The following ARPP21 variants were observed in gnomAD, a reference collection of about 807,000 sequenced individuals.
ARPP21 encodes the protein cAMP-regulated phosphoprotein 21.
In ARPP21, 69 loss-of-function variants were observed where a neutral mutation model predicts 113.2. The ratio of observed to expected loss-of-function variants is 0.61; its 90% CI spans 0.50 to 0.74. The LOEUF is 0.74. ARPP21 is among the 30% of genes least tolerant of loss of function. The probability of loss-of-function intolerance (pLI) is 0.00; values close to 1 mark genes in which losing one functional copy is unlikely to be tolerated. For missense variants in ARPP21, 1,070 were observed against 1,037.4 expected (o/e 1.03, Z -0.43); for synonymous variants, 368 against 375.5 (o/e 0.98, Z 0.23).
intron 5 of ARPP21, among the ~76,000 whole-genome samples, chr3:35,686,864 A>C (rs1028366572): frequency 8.6e-5 from 13 of 151,556 alleles, no homozygotes; most frequent in African/African-American, 3.1e-4. Context: ...ACTATCAATC[A>C]AATTGCTGAT....
intron 19 of ARPP21, among the ~76,000 whole-genome samples, chr3:35,759,164 G>T (rs1409703351): frequency 2.0e-5 from 3 of 152,070 alleles, no homozygotes; most frequent in Non-Finnish European, 4.4e-5. Context: ...CAAGACAAAC[G>T]TAGGTATATG....
Position 35,640,107 on chromosome 3 carries a change from G to C in ARPP21, c.-504G>C, listed in dbSNP as rs1319410902. ...GAGACCAGCAGCAGCAGGGGCAGCGGGGACACAAGCCGCGACCGAGCCGCC... is the reference window on the plus strand; with the variant it reads ...GAGACCAGCAGCAGCAGGGGCAGCGCGGACACAAGCCGCGACCGAGCCGCC... On this transcript the variant is annotated 5_prime_UTR_variant, in exon 1 of 21. Transcript: ENST00000684406. The C allele has an allele frequency of 1.3e-5, 2 of 152,284 alleles. No homozygotes were observed. Among genetic ancestry groups the C allele is most frequent in the African/African-American group, 4.8e-5 (2 of 41,428 alleles). The allele number at this position is 152,284 out of a possible 1,614,324, so 9.4% of individuals were successfully genotyped here. A position where few individuals can be genotyped will look rare whatever the true frequency, so the allele number is the denominator to read the frequency against.
chr3:35,668,898 G>A (rs2075632612), intron 1 of ARPP21, among the ~76,000 whole-genome samples: 1 of 151,964 alleles, frequency 6.6e-6, no homozygotes, highest in South Asian at 2.1e-4. Context: ...TTTCTATTTA[G>A]CAGACTTTAT....
intron 1 of ARPP21, among the ~76,000 whole-genome samples, chr3:35,672,894 G>A (rs959322389): frequency 2.0e-5 from 3 of 152,046 alleles, no homozygotes; most frequent in Non-Finnish European, 1.5e-5. Flanking sequence ...AGGATAAGAT[G>A]TAATAATCTG....
intron 1 of ARPP21, among the ~76,000 whole-genome samples, chr3:35,677,409 A>G (rs536253010): frequency 1.3e-5 from 2 of 151,912 alleles, no homozygotes; most frequent in South Asian, 4.2e-4. Context: ...CATCTCCACA[A>G]CCTGAATTGT....
chr3:35,739,169 C>A (rs1258420274), intron 17 of ARPP21, 148 bp from the exon 18 acceptor site: 2 of 1,020,932 alleles, frequency 2.0e-6, no homozygotes, highest in Non-Finnish European at 2.9e-6. Flanking sequence ...TATGTTCTGG[C>A]TGAAGAATTA....
chr3:35,663,155 A>G (rs1303569683), intron 1 of ARPP21, among the ~76,000 whole-genome samples: 1 of 152,158 alleles, frequency 6.6e-6, no homozygotes, highest in African/African-American at 2.4e-5. Context: ...AAAAAAAATA[A>G]CAACAGAAAC....
At chr3:35,660,105 C>T (rs975731190) in intron 1 of ARPP21, among the ~76,000 whole-genome samples, 1 of 152,264 alleles carries the variant, frequency 6.6e-6, no homozygotes, top group Non-Finnish European at 1.5e-5. Context: ...GCTTTTGGAC[C>T]TTGACTTCTT....
At chr3:35,793,496 T>C (rs756836787) in intron 20 of ARPP21, among the ~76,000 whole-genome samples, 3 of 152,204 alleles carry the variant, frequency 2.0e-5, no homozygotes, top group Non-Finnish European at 2.9e-5. Flanking sequence ...CTTTGAAGCA[T>C]GTATGTCATT....
rs138068362 is a variant in ARPP21 at position 35,639,740 on chromosome 3, C to A, written c.-871C>A. On this transcript the variant is annotated 5_prime_UTR_variant, in exon 1 of 21. Coordinates refer to ENST00000684406, the MANE Select transcript of ARPP21 (RefSeq NM_001385562.1). This position sits in a 1 kb window ranked among gnomAD's most constrained non-coding sequence, Gnocchi z 5.0. ...CACTCGCGTGCTCCCTCCCTCCACA[C>A]GCCCTCCTCTTACCGAGCGAAGCGG... The A allele has an allele frequency of 0.017, 2,592 of 153,284 alleles. 36 individuals are homozygous for A. Among genetic ancestry groups the A allele is most frequent in the Non-Finnish European group, 0.027 (1,845 of 68,814 alleles). The allele number at this position is 153,284 out of a possible 1,614,324, so 9.5% of individuals were successfully genotyped here.
intron 3 of ARPP21, 102 bp downstream of exon 3, chr3:35,681,982 T>C: frequency 7.6e-6 from 10 of 1,316,408 alleles, no homozygotes; most frequent in Non-Finnish European, 9.2e-6. Flanking sequence ...AGAGTTTCAC[T>C]GGTTATATCA....
rs190757894 is a variant in ARPP21, at chr3:35,786,848, A to G, written c.2138-5534A>G. Among the ~76,000 whole-genome samples the G allele has an allele frequency of 2.6e-5, 4 of 152,228 alleles. No individual in the cohort carries two copies. In the East Asian group the frequency reaches 7.8e-4, roughly 30 times the overall value. ...CGTGAGGGAGAAGTTGGAGGCAGGA[A>G]CATCCATGACCCCAAAATTCACCTC... is the stretch of plus-strand genomic sequence containing the variant. On this transcript the variant is annotated intron_variant, in intron 19 of 20. Coordinates refer to ENST00000684406, the MANE Select transcript of ARPP21 (RefSeq NM_001385562.1).
chr3:35,650,439 GTAAT>G (rs1701944264), intron 1 of ARPP21: 1 of 152,226 alleles, frequency 6.6e-6, no homozygotes, highest in Middle Eastern at 3.4e-3. Context: ...AATGAATTGA[GTAAT>G]TGAGAGTTTC....
chr3:35,684,751 T>G (rs1279630271), intron 5 of ARPP21: 1 of 985,224 alleles, frequency 1.0e-6, no homozygotes, highest in African/African-American at 1.7e-5. Flanking sequence ...GAGCACTTTC[T>G]TTAAAAGGAC....
At chr3:35,740,578 TG>T (rs1181080763) in intron 18 of ARPP21, among the ~76,000 whole-genome samples, 1 of 152,176 alleles carries the variant, frequency 6.6e-6, no homozygotes, top group African/African-American at 2.4e-5. Context: ...TCTTCAGAAG[TG>T]GGATCTTAAA....
intron 9 of ARPP21, among the ~76,000 whole-genome samples, chr3:35,697,611 G>A (rs937217865): frequency 2.3e-4 from 35 of 151,606 alleles, no homozygotes; most frequent in African/African-American, 7.7e-4. Flanking sequence ...ACATCAGAAA[G>A]GAGGATCATG....
chr3:35,754,787 A>AT (rs1295964832), intron 19 of ARPP21, among the ~76,000 whole-genome samples: 1 of 151,894 alleles, frequency 6.6e-6, no homozygotes, highest in African/African-American at 2.4e-5. Flanking sequence ...ATTTTATGTG[A>AT]TTTTTGGTGT....
chr3:35,698,947 A>G (rs1317471595), intron 9 of ARPP21, among the ~76,000 whole-genome samples: 1 of 151,680 alleles, frequency 6.6e-6, no homozygotes, highest in African/African-American at 2.4e-5. Context: ...AAACTGTTTC[A>G]TGTTCTTAAA....
intron 1 of ARPP21, among the ~76,000 whole-genome samples, chr3:35,650,758 T>C (rs1702067518): frequency 6.6e-6 from 1 of 152,086 alleles, no homozygotes; most frequent in South Asian, 2.1e-4. Flanking sequence ...ATGAAATTAG[T>C]ATGAGCCAGT....
Sources: allele counts gnomAD v4.1 joint callset (sites outside exome capture counted in the v4.1 genomes callset), GRCh38; gene constraint gnomAD v4.1.1; non-coding constraint Gnocchi (gnomAD v3.1); transcripts MANE v1.5; gene names NCBI Gene and HGNC (gene_info 2026-07-23, HGNC 2026-07-21).